Variants in SCARA3 observed in about 807,000 individuals in gnomAD.
The protein encoded by SCARA3 is cellular stress response gene protein.
SCARA3 carries 39 observed loss-of-function variants against 47.0 expected under a neutral mutation model. The observed-to-expected ratio is 0.83, with a 90% CI of 0.64 to 1.08. The LOEUF (loss-of-function observed/expected upper bound fraction) is 1.08. SCARA3 is among the 50% of genes least tolerant of loss of function. The pLI is 0.00. For synonymous variants in SCARA3, 356 were observed against 334.1 expected (o/e 1.07, Z -0.71); for missense variants, 724 against 792.3 (o/e 0.91, Z 1.04).
At chr8:27,706,435 G>A in the SCARA3 span, among the ~76,000 whole-genome samples, 1 of 152,150 alleles carries the variant, frequency 6.6e-6, no homozygotes, top group African/African-American at 2.4e-5. Context: ...TTACAGGCAT[G>A]AGCCACCATG....
the SCARA3 span, among the ~76,000 whole-genome samples, chr8:27,728,169 G>A: frequency 6.6e-6 from 1 of 152,242 alleles, no homozygotes; most frequent in Non-Finnish European, 1.5e-5. Flanking sequence ...AGAAAGCTGG[G>A]TTCCAGGTGA....
chr8:27,641,214 G>A (rs945382961), intron 1 of SCARA3, among the ~76,000 whole-genome samples: 2 of 152,232 alleles, frequency 1.3e-5, no homozygotes, highest in African/African-American at 4.8e-5. Flanking sequence ...GAGTCAAAGG[G>A]CACTCGCCCT....
the SCARA3 span, among the ~76,000 whole-genome samples, chr8:27,716,587 A>T: frequency 7.9e-4 from 120 of 152,340 alleles, no homozygotes; most frequent in African/African-American, 2.7e-3. Context: ...AAGCAAATAC[A>T]TGGAAAAAGT....
the SCARA3 span, among the ~76,000 whole-genome samples, chr8:27,724,589 CA>C: frequency 1.3e-5 from 2 of 152,282 alleles, no homozygotes; most frequent in East Asian, 3.9e-4. Flanking sequence ...ACCCGGGAGG[CA>C]GAGGTTGCCG....
At position 27,662,437 on chromosome 8, in the gene SCARA3, A is replaced by G. The variant is rs1438635903; in HGVS notation, c.1369+2898A>G. ...GTAAGACCAGTGAATTCCATGCCAC[A>G]TTGCCCTACTTCGTCTGCTGTGAAG... On this transcript the variant is annotated intron_variant, in intron 5 of 5. Transcript: ENST00000301904. 2.0e-5 allele frequency among the ~76,000 whole-genome samples: 3 copies of G among 152,224 alleles called. No individual in the cohort carries two copies. In the East Asian group the frequency reaches 5.8e-4, roughly 29 times the overall value.
chr8:27,642,180 G>A (rs1237170067), intron 1 of SCARA3, among the ~76,000 whole-genome samples: 2 of 152,106 alleles, frequency 1.3e-5, no homozygotes, highest in Non-Finnish European at 2.9e-5. Context: ...AATAATTTGG[G>A]ACTAGTGTCC....
Position 27,671,616 on chromosome 8 carries a change from G to A in SCARA3, c.*265G>A. On this transcript the variant is annotated 3_prime_UTR_variant, in exon 6 of 6. Coordinates refer to ENST00000301904, the MANE Select transcript of SCARA3 (RefSeq NM_016240.3). ...CGCACATGCACACATACACATGCAT[G>A]CACACATACACAGGCATACATGCAT... The A allele has an allele frequency of 8.4e-7, 1 of 1,184,480 alleles. No individual in the cohort carries two copies. The highest frequency in any genetic ancestry group is 1.1e-6 in the Non-Finnish European group (1 of 951,136). 73.4% of individuals were successfully genotyped at this position (1,184,480 alleles called of 1,614,324 possible).
the SCARA3 span, among the ~76,000 whole-genome samples, chr8:27,699,396 G>C: frequency 6.6e-6 from 1 of 151,926 alleles, no homozygotes; most frequent in Non-Finnish European, 1.5e-5. Flanking sequence ...CTGGAGTGCA[G>C]TGGCATGATC....
At chr8:27,688,738 G>C in the SCARA3 span, among the ~76,000 whole-genome samples, 1 of 152,118 alleles carries the variant, frequency 6.6e-6, no homozygotes, top group Non-Finnish European at 1.5e-5. Flanking sequence ...ATTCAGGAAG[G>C]AATCCCTTAA....
intron 5 of SCARA3, among the ~76,000 whole-genome samples, chr8:27,665,619 C>G (rs778685367): frequency 5.9e-5 from 9 of 152,230 alleles, no homozygotes; most frequent in Non-Finnish European, 1.3e-4. Flanking sequence ...ATCCACCCAC[C>G]TTCGGCCTCC....
intron 1 of SCARA3, among the ~76,000 whole-genome samples, chr8:27,637,080 T>C (rs1801268807): frequency 6.6e-6 from 1 of 152,342 alleles, no homozygotes; most frequent in African/African-American, 2.4e-5. Flanking sequence ...TGATGTTGTA[T>C]GGAGAACCGG....
intron 1 of SCARA3, among the ~76,000 whole-genome samples, chr8:27,637,283 A>G (rs1352111945): frequency 6.6e-6 from 1 of 152,216 alleles, no homozygotes; most frequent in Non-Finnish European, 1.5e-5. Context: ...TCTCACACGC[A>G]GCCCTAAGGG....
At chr8:27,714,973 G>T in the SCARA3 span, among the ~76,000 whole-genome samples, 1 of 152,050 alleles carries the variant, frequency 6.6e-6, no homozygotes, top group East Asian at 1.9e-4. Flanking sequence ...AGTCTGGAGT[G>T]CAGTGGCATG....
the SCARA3 span, among the ~76,000 whole-genome samples, chr8:27,697,730 A>T: frequency 6.6e-6 from 1 of 152,182 alleles, no homozygotes. Flanking sequence ...CTGGTAGTGA[A>T]TAAGTCTCAC....
the SCARA3 span, among the ~76,000 whole-genome samples, chr8:27,714,582 T>C: frequency 2.0e-5 from 3 of 152,140 alleles, no homozygotes; most frequent in African/African-American, 7.2e-5. Context: ...GTTCTCAGGA[T>C]TTCTCAAAGG....
chr8:27,648,464 C>T (rs1463786319), intron 1 of SCARA3, among the ~76,000 whole-genome samples: 2 of 152,026 alleles, frequency 1.3e-5, no homozygotes, highest in East Asian at 1.9e-4. Flanking sequence ...ATTAGCCGGG[C>T]GTGGTGGCGG....
chr8:27,698,061 T>C, the SCARA3 span, among the ~76,000 whole-genome samples: 158 of 152,366 alleles, frequency 1.0e-3, no homozygotes, highest in African/African-American at 3.5e-3. Context: ...CAAAATTTTA[T>C]ATCCAGTGGA....
chr8:27,638,654 T>G (rs1361849733), intron 1 of SCARA3, among the ~76,000 whole-genome samples: 1 of 152,170 alleles, frequency 6.6e-6, no homozygotes, highest in Non-Finnish European at 1.5e-5. Flanking sequence ...ATGGGGCGAC[T>G]GCCAGGTGCC....
intron 1 of SCARA3, among the ~76,000 whole-genome samples, chr8:27,635,620 G>C (rs537771930): frequency 3.9e-5 from 2 of 51,612 alleles, no homozygotes; most frequent in African/African-American, 7.1e-5. Context: ...ACCATGCATG[G>C]ATTTTTTTTT....
Sources: gnomAD v4.1 joint callset for allele counts (sites outside exome capture counted in the v4.1 genomes callset) on GRCh38, gnomAD v4.1.1 for gene constraint, MANE v1.5 for transcripts, NCBI Gene and HGNC (gene_info 2026-07-23, HGNC 2026-07-21) for gene names.